The following L3MBTL4 variants were observed in gnomAD, a reference collection of about 807,000 sequenced individuals.
L3MBTL4 encodes the protein L3MBTL histone methyl-lysine binding protein 4.
In L3MBTL4, 70 loss-of-function variants were observed where a neutral mutation model predicts 84.5. The ratio of observed to expected loss-of-function variants is 0.83; its 90% CI spans 0.68 to 1.01. L3MBTL4 has a LOEUF of 1.01. L3MBTL4 is among the 50% of genes least tolerant of loss of function. The pLI, the probability that L3MBTL4 is intolerant of heterozygous loss-of-function variation, is 0.00. For missense variants in L3MBTL4, 715 were observed against 754.8 expected (o/e 0.95, Z 0.62); for synonymous variants, 274 against 259.8 (o/e 1.05, Z -0.52).
At chr18:6,166,466 A>G (rs2145114732) in intron 13 of L3MBTL4, among the ~76,000 whole-genome samples, 1 of 152,356 alleles carries the variant, frequency 6.6e-6, no homozygotes, top group African/African-American at 2.4e-5. Flanking sequence ...AACAGAAATT[A>G]TAACAAACTG....
At chr18:6,260,615 A>G (rs2048358209) in intron 5 of L3MBTL4, 1 of 152,076 alleles carries the variant, frequency 6.6e-6, no homozygotes. Flanking sequence ...AATGCTACTG[A>G]CTTTTGTACA....
At chr18:6,374,781 G>A (rs1029415268) in intron 1 of L3MBTL4, among the ~76,000 whole-genome samples, 9 of 151,654 alleles carry the variant, frequency 5.9e-5, no homozygotes, top group African/African-American at 1.5e-4. Flanking sequence ...TCCCACACTC[G>A]CCACCACCAT....
intron 1 of L3MBTL4, among the ~76,000 whole-genome samples, chr18:6,351,574 T>C (rs11872668): frequency 0.26 from 39,471 of 151,494 alleles, 6,455 homozygotes; most frequent in African/African-American, 0.47. Context: ...TTTTTTGAGA[T>C]GGAGTCTCGC....
chr18:6,266,248 T>C (rs1027334790), intron 4 of L3MBTL4, among the ~76,000 whole-genome samples: 1 of 152,164 alleles, frequency 6.6e-6, no homozygotes, highest in African/African-American at 2.4e-5. Flanking sequence ...GAAAAGCAAT[T>C]GGAAAGAAAC....
intron 16 of L3MBTL4, among the ~76,000 whole-genome samples, chr18:5,980,430 C>CT (rs10664833): frequency 0.014 from 1,704 of 122,996 alleles, 45 homozygotes; most frequent in African/African-American, 0.043. Context: ...TTAGTTTGCG[C>CT]TTTTTTTTTT....
intron 16 of L3MBTL4, among the ~76,000 whole-genome samples, chr18:6,053,322 G>A (rs1322530783): frequency 6.6e-6 from 1 of 152,186 alleles, no homozygotes; most frequent in African/African-American, 2.4e-5. Flanking sequence ...GTTAGACTAA[G>A]AGGATGCGAA....
chr18:6,308,778 G>A (rs537426429), intron 3 of L3MBTL4, among the ~76,000 whole-genome samples: 44 of 152,154 alleles, frequency 2.9e-4, no homozygotes, highest in African/African-American at 9.4e-4. Context: ...GTAGACATAC[G>A]AGAAACTGTA....
chr18:6,197,360 A>G (rs925782509), intron 12 of L3MBTL4, among the ~76,000 whole-genome samples: 5 of 152,078 alleles, frequency 3.3e-5, no homozygotes, highest in Non-Finnish European at 7.4e-5. Context: ...GAGAACACGC[A>G]GTGTTTGGTT....
chr18:6,168,272 A>G (rs1373629545), intron 13 of L3MBTL4, among the ~76,000 whole-genome samples: 4 of 152,170 alleles, frequency 2.6e-5, no homozygotes, highest in African/African-American at 9.7e-5. Flanking sequence ...TACAGATTCA[A>G]TGCCATCCCC....
intron 12 of L3MBTL4, among the ~76,000 whole-genome samples, chr18:6,179,132 T>C (rs1435712757): frequency 6.6e-6 from 1 of 152,212 alleles, no homozygotes; most frequent in Non-Finnish European, 1.5e-5. Flanking sequence ...TAAGTGACTA[T>C]TACATTGTTT....
chr18:6,212,305 T>G (rs1165851880), intron 12 of L3MBTL4, among the ~76,000 whole-genome samples: 1 of 152,214 alleles, frequency 6.6e-6, no homozygotes, highest in African/African-American at 2.4e-5. Flanking sequence ...GAATCAGATA[T>G]TATTTTCAAA....
chr18:6,385,784 G>A (rs114840999), intron 1 of L3MBTL4, among the ~76,000 whole-genome samples: 2,116 of 152,200 alleles, frequency 0.014, 47 homozygotes, highest in African/African-American at 0.048. Context: ...CCAAAAGGCC[G>A]AATGAGGAAT....
At chr18:6,163,256 G>A (rs1301326092) in intron 13 of L3MBTL4, among the ~76,000 whole-genome samples, 3 of 91,078 alleles carry the variant, frequency 3.3e-5, no homozygotes, top group Non-Finnish European at 4.8e-5. Context: ...GGGTGTGTGT[G>A]TGTGGGGGGG....
intron 1 of L3MBTL4, among the ~76,000 whole-genome samples, chr18:6,411,628 T>C (rs879490862): frequency 2.6e-5 from 4 of 152,260 alleles, no homozygotes; most frequent in Non-Finnish European, 5.9e-5. Context: ...CTCAGACCAC[T>C]TCTTAGTTTC....
intron 16 of L3MBTL4, among the ~76,000 whole-genome samples, chr18:6,063,049 T>C (rs1055549406): frequency 6.6e-6 from 1 of 151,936 alleles, no homozygotes; most frequent in Non-Finnish European, 1.5e-5. Context: ...TGCATCCTCA[T>C]AGCTTAGCTC....
intron 4 of L3MBTL4, among the ~76,000 whole-genome samples, chr18:6,267,112 T>C (rs961691516): frequency 3.3e-5 from 5 of 152,038 alleles, no homozygotes; most frequent in Non-Finnish European, 5.9e-5. Flanking sequence ...CCCATATATG[T>C]TATTGACAAC....
intron 16 of L3MBTL4, chr18:6,029,684 T>C: frequency 7.1e-6 from 7 of 985,334 alleles, no homozygotes; most frequent in Middle Eastern, 5.2e-4. Flanking sequence ...CAGCTTACTA[T>C]GGTCAAGTTC....
chr18:6,129,078 A>G (rs1013697247), intron 14 of L3MBTL4, among the ~76,000 whole-genome samples: 5 of 152,144 alleles, frequency 3.3e-5, no homozygotes, highest in African/African-American at 1.2e-4. Flanking sequence ...CAAGAGATAC[A>G]TGCCTAAGAG....
chr18:6,173,366 C>G (rs1333221367), intron 12 of L3MBTL4, among the ~76,000 whole-genome samples: 1 of 152,136 alleles, frequency 6.6e-6, no homozygotes, highest in Non-Finnish European at 1.5e-5. Flanking sequence ...TTGCAGCACA[C>G]AGAGAAGAAA....
Sources: gnomAD v4.1 joint callset for allele counts (sites outside exome capture counted in the v4.1 genomes callset) on GRCh38, gnomAD v4.1.1 for gene constraint, MANE v1.5 for transcripts, NCBI Gene and HGNC (gene_info 2026-07-23, HGNC 2026-07-21) for gene names.